Variants in DLG2 observed in about 807,000 individuals in gnomAD.
DLG2 encodes discs large MAGUK scaffold protein 2.
In DLG2, 45 loss-of-function variants were observed where a neutral mutation model predicts 132.5. That is an observed-to-expected ratio of 0.34 (90% CI 0.27 to 0.44). The LOEUF is 0.44. Ranked by LOEUF, DLG2 falls within the 20% of genes least tolerant of loss-of-function variation. The probability of loss-of-function intolerance (pLI) is 1.00; values close to 1 mark genes in which losing one functional copy is unlikely to be tolerated. For synonymous variants in DLG2, 424 were observed against 419.6 expected (o/e 1.01, Z -0.13); for missense variants, 1,045 against 1,196.9 (o/e 0.87, Z 1.87).
intron 3 of DLG2, among the ~76,000 whole-genome samples, chr11:85,507,245 C>T (rs2093956780): frequency 6.6e-6 from 1 of 152,124 alleles, no homozygotes; most frequent in Non-Finnish European, 1.5e-5. Flanking sequence ...GAATTTGATC[C>T]TGTCATTATG....
chr11:84,289,166 A>G (rs2097951717), intron 7 of DLG2, among the ~76,000 whole-genome samples: 1 of 152,154 alleles, frequency 6.6e-6, no homozygotes, highest in Non-Finnish European at 1.5e-5. Flanking sequence ...ATATCTAATT[A>G]AAAAGTTAAT....
intron 16 of DLG2, among the ~76,000 whole-genome samples, chr11:83,844,383 G>GAA (rs111612093): frequency 1.4e-5 from 2 of 141,134 alleles, no homozygotes; most frequent in Admixed American, 7.1e-5. Context: ...CATCTCTATT[G>GAA]AAAAAAAAAA....
chr11:83,855,895 TG>T (rs1309422045), intron 16 of DLG2, among the ~76,000 whole-genome samples: 1 of 152,124 alleles, frequency 6.6e-6, no homozygotes, highest in Admixed American at 6.6e-5. Context: ...ACTTGTTTGT[TG>T]TACTTGAAGG....
intron 14 of DLG2, among the ~76,000 whole-genome samples, chr11:83,954,658 C>A (rs28420507): frequency 0.074 from 11,271 of 152,132 alleles, 1,060 homozygotes; most frequent in African/African-American, 0.22. Flanking sequence ...TTTTGCAGAA[C>A]TTTTTAAGGG....
intron 4 of DLG2, among the ~76,000 whole-genome samples, chr11:85,276,770 A>G (rs560017536): frequency 1.3e-5 from 2 of 152,314 alleles, no homozygotes; most frequent in African/African-American, 4.8e-5. Flanking sequence ...AATACAGTCA[A>G]TCATCTACTT....
chr11:84,542,016 C>A (rs2099373971), intron 6 of DLG2, among the ~76,000 whole-genome samples: 1 of 151,972 alleles, frequency 6.6e-6, no homozygotes, highest in African/African-American at 2.4e-5. Context: ...GATAACTGAT[C>A]CAGAAATTGG....
chr11:85,534,806 G>A (rs748250163), intron 3 of DLG2, among the ~76,000 whole-genome samples: 2 of 152,198 alleles, frequency 1.3e-5, no homozygotes, highest in Non-Finnish European at 2.9e-5. Flanking sequence ...ACATATGAGT[G>A]CAGGTGTCTT....
intron 19 of DLG2, among the ~76,000 whole-genome samples, chr11:83,590,680 CA>C (rs985696658): frequency 6.6e-6 from 1 of 152,062 alleles, no homozygotes; most frequent in African/African-American, 2.4e-5. Flanking sequence ...AAAAACCCTT[CA>C]AAAAATTAAT....
chr11:85,595,118 A>G (rs539132047), intron 3 of DLG2, among the ~76,000 whole-genome samples: 1 of 152,032 alleles, frequency 6.6e-6, no homozygotes, highest in African/African-American at 2.4e-5. Context: ...ACCTAACTGA[A>G]GAACTGAAGA....
chr11:85,579,018 T>C (rs1244964562), intron 3 of DLG2, among the ~76,000 whole-genome samples: 1 of 152,138 alleles, frequency 6.6e-6, no homozygotes, highest in African/African-American at 2.4e-5. Flanking sequence ...AAAGAAAATA[T>C]GGCGTATATA....
intron 18 of DLG2, among the ~76,000 whole-genome samples, chr11:83,734,397 TTC>T (rs2091576300): frequency 1.2e-5 from 1 of 83,272 alleles, no homozygotes; most frequent in Non-Finnish European, 2.8e-5. Context: ...CCTTCCTTCC[TTC>T]CTTCCTTCCC....
chr11:85,296,746 G>A (rs983477942), intron 3 of DLG2, among the ~76,000 whole-genome samples: 1 of 151,072 alleles, frequency 6.6e-6, no homozygotes, highest in South Asian at 2.1e-4. Context: ...GACAGCTGAT[G>A]GCTAATCTCA....
intron 6 of DLG2, among the ~76,000 whole-genome samples, chr11:85,068,364 C>T (rs2065254782): frequency 6.6e-6 from 1 of 152,006 alleles, no homozygotes; most frequent in Admixed American, 6.6e-5. Context: ...TCAAAGTGTC[C>T]CTGTTTGCAG....
intron 16 of DLG2, among the ~76,000 whole-genome samples, chr11:83,850,156 GTGTGT>G (rs1383766351): frequency 3.5e-4 from 46 of 133,044 alleles, no homozygotes; most frequent in Admixed American, 2.0e-3. Context: ...GTGTGTGTGT[GTGTGT>G]TTTTTTACTT....
intron 6 of DLG2, among the ~76,000 whole-genome samples, chr11:84,949,345 C>A (rs991914155): frequency 2.2e-4 from 33 of 152,222 alleles, no homozygotes; most frequent in Middle Eastern, 6.8e-3. Flanking sequence ...CACAGGACCA[C>A]AGGACCGAGG....
intron 6 of DLG2, among the ~76,000 whole-genome samples, chr11:84,978,029 T>C (rs1304227326): frequency 6.6e-6 from 1 of 152,142 alleles, no homozygotes; most frequent in Non-Finnish European, 1.5e-5. Context: ...AACTTTGAGT[T>C]GGTAAAAATT....
chr11:85,561,361 AAAAAAAAT>A (rs2077231215), intron 3 of DLG2, among the ~76,000 whole-genome samples: 1 of 145,218 alleles, frequency 6.9e-6, no homozygotes, highest in African/African-American at 2.6e-5. Context: ...AAAAAAAAAA[AAAAAAAAT>A]AGCTGTGTAA....
chr11:85,079,301 C>CT (rs2066937506), intron 6 of DLG2, among the ~76,000 whole-genome samples: 1 of 151,986 alleles, frequency 6.6e-6, no homozygotes, highest in African/African-American at 2.4e-5. Context: ...AGTAGATTGT[C>CT]TTAAGGTCTC....
chr11:84,395,444 T>C (rs1408281595), intron 7 of DLG2, among the ~76,000 whole-genome samples: 1 of 152,114 alleles, frequency 6.6e-6, no homozygotes, highest in East Asian at 1.9e-4. Context: ...GGAGACAGGG[T>C]CTCATTCTGT....
Sources: allele counts gnomAD v4.1 joint callset (sites outside exome capture counted in the v4.1 genomes callset), GRCh38; gene constraint gnomAD v4.1.1; transcripts MANE v1.5; gene names NCBI Gene and HGNC (gene_info 2026-07-23, HGNC 2026-07-21).